NFIX: variants seen among roughly 807,000 people sequenced by gnomAD.
NFIX encodes nuclear factor 1 X-type.
Under a neutral mutation model 53.3 loss-of-function variants are expected in NFIX, and 2 were observed. The observed-to-expected ratio is 0.04, with a 90% confidence interval of 0.02 to 0.12. The LOEUF is 0.12. Among genes scored for constraint, NFIX ranks in the 10% least tolerant of loss-of-function variants. NFIX has a pLI of 1.00. For missense variants in NFIX, 310 were observed against 674.5 expected (o/e 0.46, Z 5.99); for synonymous variants, 244 against 289.0 (o/e 0.84, Z 1.58).
rs1455039389 is a variant in NFIX at position 12,995,644 on chromosome 19, G to A, written c.-194G>A. On this transcript the variant is annotated 5_prime_UTR_variant, in exon 1 of 11. Coordinates refer to ENST00000592199, the MANE Select transcript of NFIX (RefSeq NM_001365902.3). ...GGCGGCGGCGGCAGCGGCGGCCCCG[G>A]AGCCGGCGGGGCCGAGCTTGCGAGC... 1 of 144,540 alleles carries A rather than the reference G, an allele frequency of 6.9e-6. No homozygotes were observed. The highest frequency in any genetic ancestry group is 1.5e-5 in the Non-Finnish European group (1 of 65,288). The allele number at this position is 144,540 out of a possible 1,614,324, so 9.0% of individuals were successfully genotyped here.
intron 1 of NFIX, among the ~76,000 whole-genome samples, chr19:13,000,637 G>T (rs1365270294): frequency 6.6e-6 from 1 of 152,080 alleles, no homozygotes; most frequent in Non-Finnish European, 1.5e-5. Context: ...CTGAGTCCTG[G>T]TATAAGAGTA....
Position 13,097,536 on chromosome 19 carries a change from G to C in NFIX, c.*2887G>C, listed in dbSNP as rs1329810600. 2.6e-5 allele frequency: 4 copies of C among 152,496 alleles called. No individual in the cohort carries two copies. In the East Asian group the frequency reaches 7.7e-4, roughly 29 times the overall value. 9.4% of individuals were successfully genotyped at this position (152,496 alleles called of 1,614,324 possible). On this transcript the variant is annotated 3_prime_UTR_variant, in exon 11 of 11. Transcript: ENST00000592199. ...CCTTCTTTGTTGAGTTTAACGGAAC[G>C]GGACAGCGGCGTGCCCCCGGCGGCT...
intron 1 of NFIX, among the ~76,000 whole-genome samples, chr19:13,015,145 C>T (rs1046009582): frequency 4.6e-5 from 7 of 152,076 alleles, no homozygotes; most frequent in African/African-American, 1.2e-4. Flanking sequence ...GTTATTTGGT[C>T]CTTAGACTTT....
Position 13,067,463 on chromosome 19 carries a change from C to CGT in NFIX, c.560-5566_560-5565dup, listed in dbSNP as rs753000472. Among the ~76,000 whole-genome samples the CGT allele has an allele frequency of 3.7e-4, 48 of 131,088 alleles. No homozygotes were observed. The highest frequency in any genetic ancestry group is 7.1e-4 in the South Asian group (3 of 4,244). The allele number at this position is 131,088 out of a possible 152,430, so 86.0% of individuals were successfully genotyped here. The stretch of plus-strand genomic sequence containing the variant: ...AGTGGCACCTCCGTGTGTGTGCGCG[C>CGT]GTGTGTGTGTGTGTGTGTGCGTGTG... On this transcript the variant is annotated intron_variant, in intron 2 of 10. Coordinates refer to ENST00000592199, the MANE Select transcript of NFIX (RefSeq NM_001365902.3). This position sits in a 1 kb window ranked among gnomAD's most constrained non-coding sequence, Gnocchi z 4.2.
chr19:13,019,826 C>T (rs1237703555), intron 1 of NFIX, among the ~76,000 whole-genome samples: 6 of 150,698 alleles, frequency 4.0e-5, no homozygotes, highest in East Asian at 1.9e-4. Flanking sequence ...AAACCAAAAA[C>T]CCATATGAAT....
chr19:13,081,643 C>T lies in NFIX; in HGVS notation c.1079-37C>T. Reference sequence around the variant, plus strand: ...TCCCTCCCACTGGCTGCCTCCTTGGCCCTGACGCCCTTTTTTCCCTGCCCA... The same window carrying T: ...TCCCTCCCACTGGCTGCCTCCTTGGTCCTGACGCCCTTTTTTCCCTGCCCA... On this transcript the variant is annotated intron_variant, in intron 7 of 10. Coordinates refer to ENST00000592199, the MANE Select transcript of NFIX (RefSeq NM_001365902.3). This position sits in a 1 kb window ranked among gnomAD's most constrained non-coding sequence, Gnocchi z 4.7. 6.2e-7 allele frequency: 1 copy of T among 1,601,710 alleles called. No individual in the cohort carries two copies. Among genetic ancestry groups the T allele is most frequent in the Non-Finnish European group, 8.5e-7 (1 of 1,172,716 alleles).
At chr19:13,058,676 A>G (rs2015865912) in intron 2 of NFIX, among the ~76,000 whole-genome samples, 1 of 151,862 alleles carries the variant, frequency 6.6e-6, no homozygotes, top group South Asian at 2.1e-4. Flanking sequence ...TGGGTGACAG[A>G]GCAAGACCCT....
In NFIX at chr19:13,060,283, C is replaced by G. The variant is rs1297618104; in HGVS notation, c.560-12764C>G. Among the ~76,000 whole-genome samples the G allele has an allele frequency of 6.6e-6, 1 of 152,142 alleles. No homozygotes were observed. Among genetic ancestry groups the G allele is most frequent in the Non-Finnish European group, 1.5e-5 (1 of 67,940 alleles). On this transcript the variant is annotated intron_variant, in intron 2 of 10. Coordinates refer to ENST00000592199, the MANE Select transcript of NFIX (RefSeq NM_001365902.3). This position sits in a 1 kb window ranked among gnomAD's most constrained non-coding sequence, Gnocchi z 4.3. ...GGGACCTAGTACAGAGCCCAGCCCC[C>G]ACTCTGAGGAAGCCTTGGATGGGCC... is the stretch of plus-strand genomic sequence containing the variant.
chr19:13,082,243 C>G (rs1471334910), intron 8 of NFIX: 1 of 227,416 alleles, frequency 4.4e-6, no homozygotes, highest in African/African-American at 2.3e-5. Flanking sequence ...ACCAGGGTTT[C>G]CCCAGTATCA....
chr19:13,081,624 C>T lies in NFIX; in HGVS notation c.1079-56C>T, dbSNP rs907191233. The T allele has an allele frequency of 1.3e-6, 2 of 1,570,616 alleles. No homozygotes were observed. Among genetic ancestry groups the T allele is most frequent in the East Asian group, 4.5e-5 (2 of 44,128 alleles). ...CAGCTCCCCTCCTCTCCTGTCCCTC[C>T]CACTGGCTGCCTCCTTGGCCCTGAC... On this transcript the variant is annotated intron_variant, in intron 7 of 10. Coordinates refer to ENST00000592199, the MANE Select transcript of NFIX (RefSeq NM_001365902.3). The surrounding 1 kb of genome is among the most constrained non-coding windows in gnomAD (Gnocchi z 4.7).
intron 2 of NFIX, among the ~76,000 whole-genome samples, chr19:13,047,745 G>A (rs1275361029): frequency 1.3e-5 from 2 of 152,124 alleles, no homozygotes; most frequent in Admixed American, 1.3e-4. Flanking sequence ...AAGAACCTGA[G>A]GACTTGCCAT....
intron 1 of NFIX, among the ~76,000 whole-genome samples, chr19:13,003,098 AG>A (rs1217981621): frequency 6.6e-6 from 1 of 150,936 alleles, no homozygotes; most frequent in African/African-American, 2.4e-5. Flanking sequence ...CATCTTGGGG[AG>A]TTGGGGGGGG....
At position 13,002,260 on chromosome 19, in the gene NFIX, T is replaced by C. The variant is rs1303623655; in HGVS notation, c.27+6396T>C. On this transcript the variant is annotated intron_variant, in intron 1 of 10. Coordinates refer to ENST00000592199, the MANE Select transcript of NFIX (RefSeq NM_001365902.3). This position sits in a 1 kb window ranked among gnomAD's most constrained non-coding sequence, Gnocchi z 6.1. ...CCCCTCCTCCCGCTCCCTCTCTCCC[T>C]CTCTCTCTCCTCCTGCCAAACGCGT... Among the ~76,000 whole-genome samples, 1 of 149,202 alleles carries C rather than the reference T, an allele frequency of 6.7e-6. No individual in the cohort carries two copies. Among genetic ancestry groups the C allele is most frequent in the Non-Finnish European group, 1.5e-5 (1 of 67,344 alleles).
At chr19:13,053,278 C>T (rs1209990983) in intron 2 of NFIX, among the ~76,000 whole-genome samples, 1 of 152,182 alleles carries the variant, frequency 6.6e-6, no homozygotes, top group Admixed American at 6.5e-5. Context: ...TACTCTCTAT[C>T]CCCTAGTCAC....
rs1009784382 is a variant in NFIX at position 13,093,037 on chromosome 19, C to T, written c.1495-1598C>T. The stretch of plus-strand genomic sequence containing the variant: ...CCTGCTCATTGTGGCAATCCCAAAC[C>T]GCCACATTTCCAGATGCTCTTGATC... On this transcript the variant is annotated intron_variant, in intron 10 of 10. Transcript: ENST00000592199. This position sits in a 1 kb window ranked among gnomAD's most constrained non-coding sequence, Gnocchi z 4.7. Among the ~76,000 whole-genome samples the T allele has an allele frequency of 5.9e-5, 9 of 152,376 alleles. No homozygotes were observed. The highest frequency in any genetic ancestry group is 1.2e-4 in the African/African-American group (5 of 41,586).
intron 2 of NFIX, among the ~76,000 whole-genome samples, chr19:13,044,673 G>C (rs969642163): frequency 6.6e-6 from 1 of 152,128 alleles, no homozygotes; most frequent in Non-Finnish European, 1.5e-5. Flanking sequence ...GAAGTGTCAG[G>C]CCTTTCCCGT....
chr19:13,002,835 G>A lies in NFIX; in HGVS notation c.27+6971G>A, dbSNP rs1457929498. Among the ~76,000 whole-genome samples the A allele has an allele frequency of 6.6e-6, 1 of 152,168 alleles. No individual in the cohort carries two copies. The highest frequency in any genetic ancestry group is 1.5e-5 in the Non-Finnish European group (1 of 68,004). On this transcript the variant is annotated intron_variant, in intron 1 of 10. Transcript: ENST00000592199. This position sits in a 1 kb window ranked among gnomAD's most constrained non-coding sequence, Gnocchi z 6.1. ...GGGGTGGTGGCCAGCAGTGGGCAGG[G>A]GGCAGTGCCCACCACCATCGCCAAG...
At chr19:13,017,101 T>G (rs776031922) in intron 1 of NFIX, among the ~76,000 whole-genome samples, 25 of 152,164 alleles carry the variant, frequency 1.6e-4, no homozygotes, top group Non-Finnish European at 2.9e-4. Flanking sequence ...GTGTGCTGAA[T>G]CGGGTCATAG....
Position 13,068,966 on chromosome 19 carries a change from C to A in NFIX, c.560-4081C>A, listed in dbSNP as rs1377504504. 6.6e-6 allele frequency among the ~76,000 whole-genome samples: 1 copy of A among 152,212 alleles called. No homozygotes were observed. Among genetic ancestry groups the A allele is most frequent in the South Asian group, 2.1e-4 (1 of 4,834 alleles). On this transcript the variant is annotated intron_variant, in intron 2 of 10. Transcript: ENST00000592199. This position sits in a 1 kb window ranked among gnomAD's most constrained non-coding sequence, Gnocchi z 4.2. ...TAGCCTGGCCCAGAAACCAGGGACC[C>A]CGAATGCCAGCCTGGCCAAGGCACC...
Sources: gnomAD v4.1 joint callset for allele counts (sites outside exome capture counted in the v4.1 genomes callset) on GRCh38, gnomAD v4.1.1 for gene constraint, Gnocchi (gnomAD v3.1) non-coding constraint, MANE v1.5 for transcripts, NCBI Gene and HGNC (gene_info 2026-07-23, HGNC 2026-07-21) for gene names.